The following STOX1 variants were observed in gnomAD, a reference collection of about 807,000 sequenced individuals.
STOX1 encodes storkhead box 1.
STOX1 carries 57 observed loss-of-function variants against 74.8 expected under a neutral mutation model. The ratio of observed to expected loss-of-function variants is 0.76; its 90% confidence interval spans 0.62 to 0.95. The LOEUF (loss-of-function observed/expected upper bound fraction) is 0.95, where lower values mean the gene tolerates loss of function less well. Ranked by LOEUF, STOX1 falls within the 40% of genes least tolerant of loss-of-function variation. The pLI, the probability that STOX1 is intolerant of heterozygous loss-of-function variation, is 0.00. For synonymous variants in STOX1, 375 were observed against 401.3 expected (o/e 0.93, Z 0.78); for missense variants, 1,010 against 1,117.0 (o/e 0.90, Z 1.37).
intron 1 of STOX1, among the ~76,000 whole-genome samples, chr10:68,836,998 T>C (rs939351619): frequency 1.3e-5 from 2 of 152,230 alleles, no homozygotes; most frequent in Non-Finnish European, 2.9e-5. Flanking sequence ...ACCCACACCA[T>C]GCTGGGCTGC....
At chr10:68,875,685 T>C (rs991152609) in intron 1 of STOX1, among the ~76,000 whole-genome samples, 7 of 152,262 alleles carry the variant, frequency 4.6e-5, no homozygotes, top group Admixed American at 4.6e-4. Flanking sequence ...AGGTCTTGGG[T>C]TGCACTGGAA....
At chr10:68,874,609 C>T (rs1160128220) in intron 1 of STOX1, among the ~76,000 whole-genome samples, 3 of 84,582 alleles carry the variant, frequency 3.5e-5, no homozygotes, top group African/African-American at 5.7e-5. Context: ...TGCAGTGAGT[C>T]GAGATCCCGC....
In STOX1 at chr10:68,885,813, G is replaced by C. The variant is rs529513912; in HGVS notation, c.2017G>C (p.Asp673His). The C allele has an allele frequency of 6.2e-7, 1 of 1,613,990 alleles. No homozygotes were observed. Among genetic ancestry groups the C allele is most frequent in the Admixed American group, 1.7e-5 (1 of 60,014 alleles). ...IHQFQNLGLLDYPVGVNPLRQ... is the reference protein window; with the variant it reads ...IHQFQNLGLLHYPVGVNPLRQ... ...CCAGTTTCAAAATCTTGGCCTTTTGGATTACCCAGTTGGCGTGAACCCTTT... is the reference window on the plus strand; with the variant it reads ...CCAGTTTCAAAATCTTGGCCTTTTGCATTACCCAGTTGGCGTGAACCCTTT... The change falls in exon 3 of 4, where the codon GAT (aspartate) becomes CAT (histidine). Residue 673 changes from aspartate to histidine, a missense_variant. Coordinates refer to ENST00000298596, the MANE Select transcript of STOX1 (RefSeq NM_152709.5).
chr10:68,887,425 G>A (rs898839425), intron 3 of STOX1, among the ~76,000 whole-genome samples: 39 of 151,956 alleles, frequency 2.6e-4, no homozygotes, highest in African/African-American at 9.2e-4. Context: ...TGGGATTACA[G>A]GCATGCACCA....
chr10:68,836,489 C>T (rs1357247427), intron 1 of STOX1, among the ~76,000 whole-genome samples: 2 of 152,214 alleles, frequency 1.3e-5, no homozygotes, highest in Non-Finnish European at 2.9e-5. Context: ...ATGTTCAAGA[C>T]CTCCGTCTGT....
intron 1 of STOX1, among the ~76,000 whole-genome samples, chr10:68,832,303 TC>T (rs1839432098): frequency 6.6e-6 from 1 of 152,220 alleles, no homozygotes; most frequent in Non-Finnish European, 1.5e-5. Flanking sequence ...ACAAGTTTGT[TC>T]CCTTCTGAAA....
intron 1 of STOX1, among the ~76,000 whole-genome samples, chr10:68,858,980 G>A (rs892163164): frequency 7.9e-5 from 12 of 152,070 alleles, no homozygotes; most frequent in Non-Finnish European, 1.8e-4. Flanking sequence ...CTGGGAGTGG[G>A]AGGCCTCTGC....
chr10:68,876,082 C>T (rs1235141684), intron 1 of STOX1, among the ~76,000 whole-genome samples: 1 of 144,906 alleles, frequency 6.9e-6, no homozygotes, highest in Non-Finnish European at 1.5e-5. Flanking sequence ...TTTTTTGTGG[C>T]GGTGAGGAGT....
At chr10:68,841,964 G>A (rs1374168568) in intron 1 of STOX1, among the ~76,000 whole-genome samples, 1 of 152,156 alleles carries the variant, frequency 6.6e-6, no homozygotes, top group Non-Finnish European at 1.5e-5. Context: ...GGAGTGGACA[G>A]AGATCACAGT....
intron 1 of STOX1, among the ~76,000 whole-genome samples, chr10:68,872,759 G>C (rs1320668305): frequency 1.3e-5 from 2 of 152,114 alleles, no homozygotes; most frequent in Non-Finnish European, 2.9e-5. Flanking sequence ...TCTTTCCTCT[G>C]TCTTGCAGAT....
intron 1 of STOX1, among the ~76,000 whole-genome samples, chr10:68,879,727 G>C (rs543514374): frequency 1.8e-4 from 28 of 152,182 alleles, no homozygotes; most frequent in African/African-American, 5.5e-4. Flanking sequence ...TTTCCAACTG[G>C]GATGACTTAG....
intron 1 of STOX1, among the ~76,000 whole-genome samples, chr10:68,857,278 G>T (rs1266088264): frequency 6.6e-6 from 1 of 152,046 alleles, no homozygotes. Flanking sequence ...GAGGGACAGA[G>T]AAAAATGGAA....
chr10:68,876,008 G>T (rs1252414185), intron 1 of STOX1, among the ~76,000 whole-genome samples: 1 of 151,350 alleles, frequency 6.6e-6, no homozygotes, highest in African/African-American at 2.4e-5. Flanking sequence ...CAAATGAGTG[G>T]ACTTGTAAAA....
intron 1 of STOX1, among the ~76,000 whole-genome samples, chr10:68,860,271 G>T (rs1353217475): frequency 6.6e-6 from 1 of 150,744 alleles, no homozygotes. Context: ...CTGTCTCGGT[G>T]GGGGAAAGAG....
chr10:68,867,886 A>G (rs1477470401), intron 1 of STOX1, among the ~76,000 whole-genome samples: 1 of 152,290 alleles, frequency 6.6e-6, no homozygotes, highest in African/African-American at 2.4e-5. Context: ...AAGCCGCATA[A>G]GGCGGCTAGT....
At position 68,884,342 on chromosome 10, in the gene STOX1, A is replaced by G; in HGVS notation, c.546A>G (p.Glu182=). The change falls in exon 3 of 4, where the codon GAA becomes GAG. Residue 182 remains glutamate (E), a synonymous_variant. Coordinates refer to ENST00000298596, the MANE Select transcript of STOX1 (RefSeq NM_152709.5). The part of the protein sequence containing the change: ...IKERKIYHTG[E]GYFIVTPQTY... ...AAAGGAAGATTTATCACACTGGAGA[A>G]GGATACTTCATAGTTACTCCTCAGA... 6.2e-7 allele frequency: 1 copy of G among 1,614,196 alleles called. No homozygotes were observed.
chr10:68,856,680 C>T (rs1485871178), intron 1 of STOX1, among the ~76,000 whole-genome samples: 1 of 152,066 alleles, frequency 6.6e-6, no homozygotes, highest in African/African-American at 2.4e-5. Context: ...CACCCTCCTC[C>T]TTGCTGCAGC....
intron 1 of STOX1, among the ~76,000 whole-genome samples, chr10:68,874,921 T>G (rs1840639459): frequency 6.6e-6 from 1 of 152,212 alleles, no homozygotes; most frequent in South Asian, 2.1e-4. Context: ...GATTTTGTAA[T>G]GATTCTCATT....
rs550338633 is a variant in STOX1, at chr10:68,862,995, T to A, written c.311-18963T>A. ...AGTAACTGTGCCATAGAGTGATATGTCCAGGCATTATTGCCAGCCAAGATT... is the reference window on the plus strand; with the variant it reads ...AGTAACTGTGCCATAGAGTGATATGACCAGGCATTATTGCCAGCCAAGATT... On this transcript the variant is annotated intron_variant, in intron 1 of 3. Coordinates refer to ENST00000298596, the MANE Select transcript of STOX1 (RefSeq NM_152709.5). Among the ~76,000 whole-genome samples the A allele has an allele frequency of 4.7e-4, 72 of 152,212 alleles. 2 individuals are homozygous for A. In the South Asian group the frequency reaches 0.014, roughly 29 times the overall value.
Sources: gnomAD v4.1 joint callset for allele counts (sites outside exome capture counted in the v4.1 genomes callset) on GRCh38, gnomAD v4.1.1 for gene constraint, MANE v1.5 for transcripts, NCBI Gene and HGNC (gene_info 2026-07-23, HGNC 2026-07-21) for gene names.